The following TCF7L1 variants were observed in gnomAD, a reference collection of about 807,000 sequenced individuals.
TCF7L1 encodes the protein transcription factor 7 like 1, also known as transcription factor 7-like 1.
Under a neutral mutation model 63.7 loss-of-function variants are expected in TCF7L1, and 18 were observed. The observed-to-expected ratio is 0.28, with a 90% confidence interval of 0.20 to 0.42. The LOEUF (loss-of-function observed/expected upper bound fraction) is 0.42. Among genes scored for constraint, TCF7L1 ranks in the 10% least tolerant of loss-of-function variants. TCF7L1 has a pLI of 1.00. For synonymous variants in TCF7L1, 355 were observed against 340.9 expected (o/e 1.04, Z -0.46); for missense variants, 654 against 779.3 (o/e 0.84, Z 1.91).
intron 3 of TCF7L1, among the ~76,000 whole-genome samples, chr2:85,266,172 T>C (rs1573016687): frequency 6.6e-6 from 1 of 152,270 alleles, no homozygotes; most frequent in East Asian, 1.9e-4. Context: ...ATAAGGCATT[T>C]AATATCTTTC....
At chr2:85,230,554 C>T (rs1464557116) in intron 3 of TCF7L1, among the ~76,000 whole-genome samples, 3 of 152,112 alleles carry the variant, frequency 2.0e-5, no homozygotes, top group Non-Finnish European at 4.4e-5. Context: ...AGGGTGGTCT[C>T]GAACTCCTGA....
At chr2:85,192,459 C>T (rs1330911680) in intron 3 of TCF7L1, among the ~76,000 whole-genome samples, 1 of 152,044 alleles carries the variant, frequency 6.6e-6, no homozygotes, top group Admixed American at 6.6e-5. Context: ...GTGATGTTGG[C>T]TCACTGCAAC....
At chr2:85,146,913 A>G (rs1677892777) in intron 3 of TCF7L1, among the ~76,000 whole-genome samples, 1 of 152,144 alleles carries the variant, frequency 6.6e-6, no homozygotes, top group South Asian at 2.1e-4. Context: ...GTTAATTGCT[A>G]TCTTAATCTT....
At chr2:85,176,013 A>G (rs982269943) in intron 3 of TCF7L1, among the ~76,000 whole-genome samples, 26 of 152,224 alleles carry the variant, frequency 1.7e-4, no homozygotes, top group African/African-American at 5.8e-4. Flanking sequence ...CTTCCTTCTG[A>G]TGAAATATTT....
intron 3 of TCF7L1, among the ~76,000 whole-genome samples, chr2:85,155,623 A>G (rs1370493960): frequency 2.6e-5 from 4 of 152,204 alleles, no homozygotes; most frequent in African/African-American, 7.2e-5. Flanking sequence ...CTAGAATACT[A>G]TAGATCTTCA....
intron 3 of TCF7L1, among the ~76,000 whole-genome samples, chr2:85,202,534 T>TA (rs1679294728): frequency 1.3e-5 from 2 of 152,216 alleles, no homozygotes; most frequent in African/African-American, 2.4e-5. Flanking sequence ...TCCTAGGTCA[T>TA]AAAAAATATG....
rs1680021206 is a variant in TCF7L1 at position 85,229,209 on chromosome 2, G to A, written c.442-54286G>A. Among the ~76,000 whole-genome samples the A allele has an allele frequency of 2.0e-5, 3 of 152,058 alleles. No homozygotes were observed. The South Asian group carries it at 6.2e-4, about 32-fold the overall frequency. ...AAAATACAAAAAATTAGCTGGGCGT[G>A]TTGGCACACACCTGTAGTCCCAGCT... On this transcript the variant is annotated intron_variant, in intron 3 of 11. Transcript: ENST00000282111.
chr2:85,172,223 G>C (rs979092718), intron 3 of TCF7L1, among the ~76,000 whole-genome samples: 2 of 152,100 alleles, frequency 1.3e-5, no homozygotes, highest in African/African-American at 2.4e-5. Context: ...TAGGGCCATG[G>C]GGTGCCATTG....
chr2:85,261,107 TTCC>T (rs1481007427), intron 3 of TCF7L1, among the ~76,000 whole-genome samples: 1 of 150,856 alleles, frequency 6.6e-6, no homozygotes, highest in Non-Finnish European at 1.5e-5. Context: ...TTTCAATTAC[TTCC>T]TCAATTATTG....
chr2:85,304,374 C>G (rs368944396), intron 7 of TCF7L1, 36 bp downstream of exon 7: 7 of 1,603,294 alleles, frequency 4.4e-6, no homozygotes, highest in Non-Finnish European at 5.1e-6. Flanking sequence ...GCATGTTTGT[C>G]TTAGCAACCA....
rs774050758 is a variant in TCF7L1, at chr2:85,294,026, A to ATTTTTTTTTTTTTTT, written c.526-8444_526-8430dup. The stretch of plus-strand genomic sequence containing the variant: ...ATTTAGGTGTGGCCTGAACACTGGG[A>ATTTTTTTTTTTTTTT]TTTTTTTTTTTTTTTTTTTTTTTTT... On this transcript the variant is annotated intron_variant, in intron 4 of 11. Coordinates refer to ENST00000282111, the MANE Select transcript of TCF7L1 (RefSeq NM_031283.3). Among the ~76,000 whole-genome samples, 61 of 59,482 alleles carry ATTTTTTTTTTTTTTT rather than the reference A, an allele frequency of 1.0e-3. 9 individuals carry two copies. The highest frequency in any genetic ancestry group is 4.3e-3 in the East Asian group (5 of 1,160). 39.0% of individuals were successfully genotyped at this position (59,482 alleles called of 152,430 possible).
At position 85,153,340 on chromosome 2, in the gene TCF7L1, A is replaced by ATGTTTTTTTTTTTTTTTTTT. The variant is rs750002994; in HGVS notation, c.441+18891_441+18892insGTTTTTTTTTTTTTTTTTTT. Among the ~76,000 whole-genome samples the ATGTTTTTTTTTTTTTTTTTT allele has an allele frequency of 1.3e-3, 138 of 102,250 alleles. 5 individuals are homozygous for ATGTTTTTTTTTTTTTTTTTT. The highest frequency in any genetic ancestry group is 1.9e-3 in the Non-Finnish European group (107 of 55,208). The allele number at this position is 102,250 out of a possible 152,430, so 67.1% of individuals were successfully genotyped here. On this transcript the variant is annotated intron_variant, in intron 3 of 11. Transcript: ENST00000282111. ...TTCATGATCTTGCTAGCCTTTATAA[A>ATGTTTTTTTTTTTTTTTTTT]TTTTTTTTTTTTTTTTTTTGAGATG...
At chr2:85,251,528 C>T (rs887328344) in intron 3 of TCF7L1, among the ~76,000 whole-genome samples, 1 of 152,102 alleles carries the variant, frequency 6.6e-6, no homozygotes, top group African/African-American at 2.4e-5. Flanking sequence ...TAATTGGGGT[C>T]GAGTTAGAAC....
At chr2:85,195,061 C>A (rs942709303) in intron 3 of TCF7L1, among the ~76,000 whole-genome samples, 5 of 152,234 alleles carry the variant, frequency 3.3e-5, no homozygotes, top group African/African-American at 1.2e-4. Flanking sequence ...TGCCCTATGG[C>A]GTAGTGGCTG....
At chr2:85,209,649 C>T (rs541768170) in intron 3 of TCF7L1, among the ~76,000 whole-genome samples, 16 of 152,204 alleles carry the variant, frequency 1.1e-4, no homozygotes, top group Non-Finnish European at 1.9e-4. Context: ...AGGTGCTTGT[C>T]GAAATGCAGA....
chr2:85,204,260 G>T lies in TCF7L1; in HGVS notation c.441+69810G>T, dbSNP rs531048835. Among the ~76,000 whole-genome samples, 7 of 138,318 alleles carry T rather than the reference G, an allele frequency of 5.1e-5. 1 individual carries two copies. Among genetic ancestry groups the T allele is most frequent in the Non-Finnish European group, 9.3e-5 (6 of 64,456 alleles). 90.7% of individuals were successfully genotyped at this position (138,318 alleles called of 152,430 possible). ...TTTTGTGGATTTTTTAACACAAAGA[G>T]GATTCTGTTATTTCTATTTGATAAC... On this transcript the variant is annotated intron_variant, in intron 3 of 11. Coordinates refer to ENST00000282111, the MANE Select transcript of TCF7L1 (RefSeq NM_031283.3).
chr2:85,183,240 A>C (rs946866915), intron 3 of TCF7L1, among the ~76,000 whole-genome samples: 2 of 152,196 alleles, frequency 1.3e-5, no homozygotes, highest in African/African-American at 2.4e-5. Context: ...CAAGAGTGTC[A>C]CTGACTCATA....
intron 3 of TCF7L1, among the ~76,000 whole-genome samples, chr2:85,213,198 T>C (rs2104291975): frequency 6.6e-6 from 1 of 152,240 alleles, no homozygotes; most frequent in East Asian, 1.9e-4. Flanking sequence ...CCCCAGCTCC[T>C]TTTTGGGTGG....
In TCF7L1 at chr2:85,267,064, G is replaced by C. The variant is rs541232204; in HGVS notation, c.442-16431G>C. The stretch of plus-strand genomic sequence containing the variant: ...AAGGATTGAGAGTTGGCCTTGGCCA[G>C]GTGTGGTGGCTCATGCCTGTAATCC... On this transcript the variant is annotated intron_variant, in intron 3 of 11. Coordinates refer to ENST00000282111, the MANE Select transcript of TCF7L1 (RefSeq NM_031283.3). Among the ~76,000 whole-genome samples, 3 of 152,350 alleles carry C rather than the reference G, an allele frequency of 2.0e-5. No homozygotes were observed. In the South Asian group the frequency reaches 6.2e-4, roughly 32 times the overall value.
Sources: gnomAD v4.1 joint callset for allele counts (sites outside exome capture counted in the v4.1 genomes callset) on GRCh38, gnomAD v4.1.1 for gene constraint, MANE v1.5 for transcripts, NCBI Gene and HGNC (gene_info 2026-07-23, HGNC 2026-07-21) for gene names.